The following SMG6 variants were observed in gnomAD, a reference collection of about 807,000 sequenced individuals.
SMG6 encodes SMG6 nonsense mediated mRNA decay factor, also known as telomerase-binding protein EST1A.
In SMG6, 66 loss-of-function variants were observed where a neutral mutation model predicts 142.2. The ratio of observed to expected loss-of-function variants is 0.46; its 90% CI spans 0.38 to 0.57. SMG6 has a LOEUF of 0.57. Ranked by LOEUF, SMG6 falls within the 20% of genes least tolerant of loss-of-function variation. The pLI is 0.00. For missense variants in SMG6, 1,793 were observed against 1,832.0 expected (o/e 0.98, Z 0.39); for synonymous variants, 779 against 702.4 (o/e 1.11, Z -1.72).
intron 4 of SMG6, among the ~76,000 whole-genome samples, chr17:2,296,440 C>G (rs866182259): frequency 4.6e-5 from 7 of 152,314 alleles, no homozygotes; most frequent in Middle Eastern, 6.8e-3. Context: ...CCCTTCAACA[C>G]TCTATATCAG....
chr17:2,254,580 C>T (rs1005978102), intron 8 of SMG6, among the ~76,000 whole-genome samples: 2 of 152,136 alleles, frequency 1.3e-5, no homozygotes, highest in African/African-American at 2.4e-5. Flanking sequence ...AGTGATCTGC[C>T]CACCTCGGGC....
chr17:2,060,599 G>A lies in SMG6; in HGVS notation c.*893C>T, dbSNP rs1461662044. ...AGGTGAAAAGGATCAACTAGAAGGG[G>A]AAGAAGGGTGAGGGGCTATTCTGGA... On this transcript the variant is annotated 3_prime_UTR_variant, in exon 19 of 19. Coordinates refer to ENST00000263073, the MANE Select transcript of SMG6 (RefSeq NM_017575.5). 6.6e-6 allele frequency: 1 copy of A among 152,386 alleles called. No homozygotes were observed. Among genetic ancestry groups the A allele is most frequent in the Admixed American group, 6.5e-5 (1 of 15,278 alleles). 9.4% of individuals were successfully genotyped at this position (152,386 alleles called of 1,614,324 possible). A position where few individuals can be genotyped will look rare whatever the true frequency, so the allele number is the denominator to read the frequency against.
At chr17:2,244,520 G>C (rs2073886635) in intron 9 of SMG6, 138 bp downstream of exon 9, 4 of 642,730 alleles carry the variant, frequency 6.2e-6, no homozygotes, top group Non-Finnish European at 1.1e-5. Context: ...AAGATGAAGG[G>C]AAGAGAAGAG....
At chr17:2,231,947 T>C (rs376975523) in intron 10 of SMG6, among the ~76,000 whole-genome samples, 2 of 152,232 alleles carry the variant, frequency 1.3e-5, no homozygotes, top group South Asian at 4.1e-4. Context: ...GTTATTCCAG[T>C]GGTGGCCAAT....
rs144273784 is a variant in SMG6, at chr17:2,172,806, G to A, written c.3209C>T (p.Ala1070Val). ...CAGTGGCACCTCAGACTGATTCACT[G>A]CAGTCAGTATGTTACAGAAATCAGC... ...TLADFCNILT[A>V]VNQSEVPLYK... The change falls in exon 13 of 19, where the codon GCA (alanine) becomes GTA (valine). Residue 1070 changes from alanine (A) to valine (V), a missense_variant. This residue lies in a region of SMG6 where 1,597 missense variants were observed against 1,584.6 expected (regional missense o/e 1.01). Transcript: ENST00000263073. The A allele has an allele frequency of 5.6e-6, 9 of 1,613,960 alleles. No individual in the cohort carries two copies. The highest frequency in any genetic ancestry group is 5.3e-5 in the African/African-American group (4 of 74,882).
intron 1 of SMG6, among the ~76,000 whole-genome samples, chr17:2,302,040 G>A (rs866774586): frequency 2.7e-5 from 4 of 149,662 alleles, no homozygotes; most frequent in African/African-American, 9.9e-5. Context: ...ACTGCTTGAG[G>A]CCAGGAGTTC....
At chr17:2,218,891 T>C (rs2073094808) in intron 10 of SMG6, among the ~76,000 whole-genome samples, 5 of 152,212 alleles carry the variant, frequency 3.3e-5, no homozygotes, top group Admixed American at 3.3e-4. Context: ...TGGTGTGGGA[T>C]ATTGATAGCG....
At chr17:2,236,749 AC>A (rs974929745) in intron 9 of SMG6, 112 bp from the exon 10 acceptor site, 2 of 943,822 alleles carry the variant, frequency 2.1e-6, no homozygotes, top group African/African-American at 3.7e-5. Context: ...ACACACACAC[AC>A]ACCAGACAAC....
Position 2,244,595 on chromosome 17 carries a change from C to A in SMG6, c.2723+63G>T, listed in dbSNP as rs571933655. ...GTTACAAACACAGTCCAGTTGCTAA[C>A]AATATTAAATTCCAAAATGACTTGT... On this transcript the variant is annotated intron_variant, in intron 9 of 18. Transcript: ENST00000263073. The A allele has an allele frequency of 3.0e-5, 41 of 1,349,412 alleles. No homozygotes were observed. In the East Asian group the frequency reaches 9.4e-4, roughly 31 times the overall value. The allele number at this position is 1,349,412 out of a possible 1,614,324, so 83.6% of individuals were successfully genotyped here. A position where few individuals can be genotyped will look rare whatever the true frequency, so the allele number is the denominator to read the frequency against.
intron 10 of SMG6, among the ~76,000 whole-genome samples, chr17:2,192,908 C>T (rs1358778613): frequency 6.6e-6 from 1 of 152,220 alleles, no homozygotes; most frequent in Non-Finnish European, 1.5e-5. Flanking sequence ...GTCTTTTCAT[C>T]ATTTTATTCC....
chr17:2,289,712 A>T (rs907894144), intron 6 of SMG6, among the ~76,000 whole-genome samples: 1 of 151,952 alleles, frequency 6.6e-6, no homozygotes, highest in African/African-American at 2.4e-5. Context: ...CAAGTTCAAG[A>T]CCAGCCTGGC....
chr17:2,087,396 C>T (rs2068593466), intron 13 of SMG6: 4 of 1,187,030 alleles, frequency 3.4e-6, no homozygotes, highest in Admixed American at 7.2e-5. Flanking sequence ...GCTGCATCCT[C>T]TGCCACCTTC....
intron 8 of SMG6, among the ~76,000 whole-genome samples, chr17:2,267,642 TATC>T (rs779607086): frequency 1.3e-5 from 2 of 152,106 alleles, no homozygotes; most frequent in African/African-American, 2.4e-5. Flanking sequence ...AACTATTCTT[TATC>T]ATTATAGATT....
At chr17:2,293,037 G>T (rs2075073491) in intron 4 of SMG6, 60 bp from the exon 5 acceptor site, 1 of 1,150,688 alleles carries the variant, frequency 8.7e-7, no homozygotes, top group Admixed American at 1.7e-5. Flanking sequence ...AACCCTCAAA[G>T]GACAGGGATG....
Position 2,236,577 on chromosome 17 carries a change from C to T in SMG6, c.2784G>A (p.Gln928=). ...TACTTCCAATGGGAGAGGGGCTGTG[C>T]TGCAGTAACACCTGGAACTCCTTGA... ...KVLKEFQVLL[Q]HSPSPIGSTR... is the part of the protein sequence containing the mutation. The change falls in exon 10 of 19, where the codon CAG becomes CAA. Residue 928 remains glutamine, a synonymous_variant. Coordinates refer to ENST00000263073, the MANE Select transcript of SMG6 (RefSeq NM_017575.5). 2 of 1,613,758 alleles carry T rather than the reference C, an allele frequency of 1.2e-6. No homozygotes were observed. Among genetic ancestry groups the T allele is most frequent in the South Asian group, 1.1e-5 (1 of 90,992 alleles).
At chr17:2,237,303 A>C (rs1311952245) in intron 9 of SMG6, 2 of 156,490 alleles carry the variant, frequency 1.3e-5, no homozygotes, top group African/African-American at 4.8e-5. Context: ...CCTGACCTCA[A>C]GTGATCCACC....
At chr17:2,242,693 A>T (rs1256286141) in intron 9 of SMG6, among the ~76,000 whole-genome samples, 2 of 83,118 alleles carry the variant, frequency 2.4e-5, no homozygotes, top group Non-Finnish European at 2.7e-5. Flanking sequence ...TCTCTTTAAA[A>T]AAAAAAAAAA....
intron 15 of SMG6, among the ~76,000 whole-genome samples, chr17:2,069,369 G>A (rs1441543486): frequency 6.6e-6 from 1 of 151,302 alleles, no homozygotes; most frequent in Non-Finnish European, 1.5e-5. Flanking sequence ...TCACTGTGTA[G>A]CTAAAACAAA....
rs770033988 is a variant in SMG6, at chr17:2,299,733, T to C, written c.1020A>G (p.Lys340=). The part of the protein sequence containing the change: ...NWSGRGEGEQ[K]NSAKEYRGTL... ...TGCCTCGATATTCTTTAGCACTGTT[T>C]TTCTGCTCACCCTCCCCACGGCCAG... The change falls in exon 2 of 19, where the codon AAA becomes AAG. Residue 340 remains lysine, a synonymous_variant. Transcript: ENST00000263073. This position sits in a 1 kb window ranked among gnomAD's most constrained non-coding sequence, Gnocchi z 4.3. 1.2e-6 allele frequency: 2 copies of C among 1,614,208 alleles called. No homozygotes were observed. Among genetic ancestry groups the C allele is most frequent in the Non-Finnish European group, 1.7e-6 (2 of 1,180,034 alleles).
Sources: allele counts gnomAD v4.1 joint callset (sites outside exome capture counted in the v4.1 genomes callset), GRCh38; gene constraint gnomAD v4.1.1; regional missense constraint gnomAD v4.1.1; non-coding constraint Gnocchi (gnomAD v3.1); transcripts MANE v1.5; gene names NCBI Gene and HGNC (gene_info 2026-07-23, HGNC 2026-07-21).